The following GRIPAP1 variants were observed in gnomAD, a reference collection of about 807,000 sequenced individuals.
GRIPAP1 encodes GRIP1-associated protein 1.
A neutral mutation model predicts 84.1 loss-of-function variants in GRIPAP1; 14 were observed. The ratio of observed to expected loss-of-function variants is 0.17; its 90% CI spans 0.11 to 0.26. The LOEUF is 0.26. Ranked by LOEUF, GRIPAP1 falls within the 10% of genes least tolerant of loss-of-function variation. The pLI, the probability that GRIPAP1 is intolerant of heterozygous loss-of-function variation, is 1.00. For missense variants in GRIPAP1, 518 were observed against 674.2 expected (o/e 0.77, Z 2.57); for synonymous variants, 261 against 256.8 (o/e 1.02, Z -0.15).
At chrX:49,000,482 G>C (rs2064573195) in intron 1 of GRIPAP1, 1 of 108,145 alleles carries the variant, frequency 9.2e-6, no homozygotes, top group African/African-American at 3.4e-5. Context: ...CTTGAGGTCA[G>C]GAGTTCAAGA....
chrX:48,974,341 C>A, intron 25 of GRIPAP1, 56 bp from the exon 26 acceptor site: 1 of 740,357 alleles, frequency 1.4e-6, no homozygotes, highest in Non-Finnish European at 2.1e-6. Flanking sequence ...GCTCCCTTGC[C>A]AAACGTAGGG....
intron 5 of GRIPAP1, among the ~76,000 whole-genome samples, chrX:48,994,808 T>C (rs1485561346): frequency 3.6e-5 from 4 of 112,052 alleles, no homozygotes; most frequent in African/African-American, 9.7e-5. Flanking sequence ...TTAATCTCCC[T>C]GGAACTCAGT....
chrX:48,996,175 C>A (rs1489579668), intron 5 of GRIPAP1, among the ~76,000 whole-genome samples: 1 of 111,968 alleles, frequency 8.9e-6, no homozygotes, highest in Non-Finnish European at 1.9e-5. Flanking sequence ...TTAATCTAGG[C>A]CTTCTGGTTC....
At chrX:49,000,295 G>A (rs28380479) in intron 1 of GRIPAP1, among the ~76,000 whole-genome samples, 11 of 102,925 alleles carry the variant, frequency 1.1e-4, no homozygotes, top group African/African-American at 4.0e-4. Context: ...AACCTGGGAG[G>A]TGGAGGTTGC....
Position 48,983,209 on chromosome X carries a change from T to C in GRIPAP1, c.1485+19A>G. ...CCCAGGTTTTAGAGGAAGAAGGGCA[T>C]CATCATCTACCCACCCACCTTCTCC... On this transcript the variant is annotated intron_variant, in intron 16 of 25. Coordinates refer to ENST00000376423, the MANE Select transcript of GRIPAP1 (RefSeq NM_020137.5). 8.4e-7 allele frequency: 1 copy of C among 1,188,839 alleles called. No homozygotes were observed. The highest frequency in any genetic ancestry group is 1.1e-6 in the Non-Finnish European group (1 of 874,515).
At position 48,978,294 on chromosome X, in the gene GRIPAP1, T is replaced by C. The variant is rs2064433694; in HGVS notation, c.2061+11A>G. On this transcript the variant is annotated intron_variant, in intron 22 of 25. Coordinates refer to ENST00000376423, the MANE Select transcript of GRIPAP1 (RefSeq NM_020137.5). ...AGAAGCTGGAGCTGTAGGTTCTTCCTTTCCCCTTACCCTGGCTGGAACAGC... is the reference window on the plus strand; with the variant it reads ...AGAAGCTGGAGCTGTAGGTTCTTCCCTTCCCCTTACCCTGGCTGGAACAGC... 2 of 1,207,256 alleles carry C rather than the reference T, an allele frequency of 1.7e-6. No homozygotes were observed. Among genetic ancestry groups the C allele is most frequent in the Non-Finnish European group, 2.2e-6 (2 of 893,382 alleles).
chrX:48,999,297 G>C lies in GRIPAP1; in HGVS notation c.112C>G (p.Leu38Val). ...SDELRKNGVE[L>V]TSLRQKVAYL... ...GCGACCTTCTGTCGAAGACTGGTGA[G>C]TTCTGGTGTCGGGAAAGCAGGGAAA... The change falls in exon 3 of 26, where the codon CTC becomes GTC. Residue 38 changes from leucine (L) to valine (V), a missense_variant and splice_region_variant. Physicochemically the swap from Leu to Val is conservative, Grantham distance 32 (BLOSUM62 1). Coordinates refer to ENST00000376423, the MANE Select transcript of GRIPAP1 (RefSeq NM_020137.5). 1 of 1,206,323 alleles carries C rather than the reference G, an allele frequency of 8.3e-7. No individual in the cohort carries two copies. The highest frequency in any genetic ancestry group is 1.1e-6 in the Non-Finnish European group (1 of 890,645).
chrX:48,986,557 AT>A (rs1369387859), intron 13 of GRIPAP1, among the ~76,000 whole-genome samples: 2 of 106,061 alleles, frequency 1.9e-5, no homozygotes, highest in African/African-American at 3.4e-5. Flanking sequence ...ATGCCCAGCT[AT>A]TTTTTTTTGT....
intron 5 of GRIPAP1, among the ~76,000 whole-genome samples, chrX:48,995,724 T>C (rs1602478457): frequency 9.1e-6 from 1 of 110,102 alleles, no homozygotes; most frequent in African/African-American, 3.3e-5. Flanking sequence ...GCCTCCCGAG[T>C]AGCTGGGACT....
At chrX:48,998,521 T>C (rs2064559803) in intron 3 of GRIPAP1, among the ~76,000 whole-genome samples, 1 of 111,390 alleles carries the variant, frequency 9.0e-6, no homozygotes, top group Admixed American at 9.6e-5. Context: ...ACTCAGAAAC[T>C]GTGGCTTCAT....
In GRIPAP1 at chrX:48,985,252, G is replaced by C; in HGVS notation, c.1176+16C>G. 8.3e-7 allele frequency: 1 copy of C among 1,203,197 alleles called. No individual in the cohort carries two copies. The highest frequency in any genetic ancestry group is 1.8e-5 in the South Asian group (1 of 56,725). ...TAGGGAACTAGGAAGAGACAGGCCA[G>C]AGCCAAAGGTGTTACCTGGAGCTGG... is the stretch of plus-strand genomic sequence containing the variant. On this transcript the variant is annotated intron_variant, in intron 14 of 25. Transcript: ENST00000376423.
intron 8 of GRIPAP1, 29 bp downstream of exon 8, chrX:48,990,656 C>T: frequency 3.4e-6 from 4 of 1,167,114 alleles, no homozygotes; most frequent in Non-Finnish European, 4.7e-6. Context: ...AGATTGGGAG[C>T]AGAATGGGAA....
chrX:48,985,965 G>A (rs904645009), intron 13 of GRIPAP1, among the ~76,000 whole-genome samples: 7 of 111,177 alleles, frequency 6.3e-5, no homozygotes, highest in African/African-American at 2.0e-4. Flanking sequence ...AGCAGAAGCC[G>A]GGCGCGGTGG....
rs1455426912 is a variant in GRIPAP1 at position 48,981,687 on chromosome X, T to C, written c.1682A>G (p.Lys561Arg). 32 of 1,204,174 alleles carry C rather than the reference T, an allele frequency of 2.7e-5. No homozygotes were observed. Among genetic ancestry groups the C allele is most frequent in the Non-Finnish European group, 3.5e-5 (31 of 889,457 alleles). ...CCGTACATCCTGTAGCTCCTCCTCC[T>C]TGCCCTGCAAAGCAGAAAGCAGCTT... is the stretch of plus-strand genomic sequence containing the variant. ...REQHAAELKG[K>R]EEELQDVRDQ... is the part of the protein sequence containing the mutation. Residue 561 changes from lysine (K) to arginine (R), a missense_variant, in exon 19 of 26, where the codon AAG becomes AGG. By Grantham distance (26) the Lys-to-Arg change is conservative (BLOSUM62 2). This residue lies in a region of GRIPAP1 where 372 missense variants were observed against 458.1 expected (regional missense o/e 0.81). Transcript: ENST00000376423.
intron 5 of GRIPAP1, among the ~76,000 whole-genome samples, chrX:48,995,483 T>A (rs189261191): frequency 3.3e-4 from 37 of 111,758 alleles, no homozygotes; most frequent in African/African-American, 1.2e-3. Flanking sequence ...GCCTCTGTGG[T>A]GTGAACTAAG....
At position 48,998,169 on chromosome X, in the gene GRIPAP1, C is replaced by T. The variant is rs781972230; in HGVS notation, c.183G>A (p.Lys61=). 2.5e-6 allele frequency: 3 copies of T among 1,196,989 alleles called. No individual in the cohort carries two copies. The highest frequency in any genetic ancestry group is 2.2e-5 in the Admixed American group (1 of 45,504). The change falls in exon 4 of 26, where the codon AAG becomes AAA. Residue 61 remains lysine (K), a synonymous_variant. Transcript: ENST00000376423. ...ATCCCCTTACCTGAGCTTTCTTGCT[C>T]TTGCTCAGTGCCTAAAGTGGGGGTG... is the stretch of plus-strand genomic sequence containing the variant. ...EFSKAQKALS[K]SKKAQEVEVL...
intron 11 of GRIPAP1, chrX:48,988,584 T>C: frequency 6.1e-6 from 1 of 163,558 alleles, no homozygotes; most frequent in Non-Finnish European, 1.2e-5. Context: ...GATGACAGTT[T>C]CACCCAGCCT....
At chrX:48,991,708 C>T (rs2064521301) in intron 6 of GRIPAP1, among the ~76,000 whole-genome samples, 1 of 112,167 alleles carries the variant, frequency 8.9e-6, no homozygotes, top group African/African-American at 3.2e-5. Context: ...CGTGGTGGCG[C>T]ACGCGCTTGT....
chrX:48,993,986 C>T (rs1468557767), intron 5 of GRIPAP1, among the ~76,000 whole-genome samples: 2 of 110,505 alleles, frequency 1.8e-5, no homozygotes, highest in Non-Finnish European at 3.8e-5. Flanking sequence ...CTAAGCACCA[C>T]AAAGAGCTCG....
Sources: allele counts gnomAD v4.1 joint callset (sites outside exome capture counted in the v4.1 genomes callset), GRCh38; gene constraint gnomAD v4.1.1; regional missense constraint gnomAD v4.1.1; transcripts MANE v1.5; gene names NCBI Gene and HGNC (gene_info 2026-07-23, HGNC 2026-07-21).